The following ANKRD44 variants were observed in gnomAD, a reference collection of about 807,000 sequenced individuals.
ANKRD44 encodes the protein ankyrin repeat domain 44.
ANKRD44 carries 35 observed loss-of-function variants against 116.0 expected under a neutral mutation model. The ratio of observed to expected loss-of-function variants is 0.30; its 90% CI spans 0.23 to 0.40. ANKRD44 has a LOEUF of 0.40. Ranked by LOEUF, ANKRD44 falls within the 10% of genes least tolerant of loss-of-function variation. The pLI is 1.00. For missense variants in ANKRD44, 1,014 were observed against 1,242.6 expected, an observed-to-expected ratio of 0.82 and a Z score of 2.77; for synonymous variants, 435 against 461.8, an observed-to-expected ratio of 0.94 and a Z score of 0.74.
At chr2:196,990,430 T>G (rs750181299) in intron 27 of ANKRD44, 3 of 1,158,642 alleles carry the variant, frequency 2.6e-6, no homozygotes, top group Non-Finnish European at 3.2e-6. Context: ...ATTCTTTATT[T>G]AAAATGAGAG....
chr2:197,121,808 G>A (rs1457237803), intron 7 of ANKRD44, among the ~76,000 whole-genome samples: 1 of 152,122 alleles, frequency 6.6e-6, no homozygotes, highest in African/African-American at 2.4e-5. Context: ...AGCTAACAAA[G>A]GAATAAAAGG....
chr2:197,043,761 C>T (rs1240116544), intron 16 of ANKRD44, among the ~76,000 whole-genome samples: 2 of 151,852 alleles, frequency 1.3e-5, no homozygotes, highest in Non-Finnish European at 2.9e-5. Flanking sequence ...AAACTGGACC[C>T]TGGTTTTTTT....
intron 8 of ANKRD44, among the ~76,000 whole-genome samples, chr2:197,118,246 T>A (rs1248289237): frequency 6.6e-6 from 1 of 151,164 alleles, no homozygotes; most frequent in Non-Finnish European, 1.5e-5. Context: ...AATAATTTTT[T>A]AAAATTCTCA....
chr2:197,107,845 C>A (rs1227187277), intron 9 of ANKRD44, among the ~76,000 whole-genome samples: 2 of 152,196 alleles, frequency 1.3e-5, no homozygotes, highest in African/African-American at 4.8e-5. Context: ...GCCCAAGATT[C>A]TTCCCAGAAG....
At chr2:197,036,256 G>C (rs967003846) in intron 16 of ANKRD44, among the ~76,000 whole-genome samples, 1 of 151,990 alleles carries the variant, frequency 6.6e-6, no homozygotes, top group Non-Finnish European at 1.5e-5. Flanking sequence ...CAAGGTCTAT[G>C]CAACTTTATT....
chr2:197,001,701 T>C, intron 22 of ANKRD44, 52 bp downstream of exon 22: 2 of 1,370,856 alleles, frequency 1.5e-6, no homozygotes, highest in African/African-American at 1.4e-5. Flanking sequence ...CTTTTCTATG[T>C]GTAGTTAAAA....
At chr2:196,993,947 A>G (rs1246207963) in intron 26 of ANKRD44, among the ~76,000 whole-genome samples, 1 of 152,236 alleles carries the variant, frequency 6.6e-6, no homozygotes, top group Non-Finnish European at 1.5e-5. Flanking sequence ...AGACAGAGGA[A>G]GAACTCAAGC....
intron 17 of ANKRD44, among the ~76,000 whole-genome samples, chr2:197,022,178 T>G (rs1011314503): frequency 6.6e-6 from 1 of 152,200 alleles, no homozygotes; most frequent in Non-Finnish European, 1.5e-5. Context: ...TAATTGCTAC[T>G]GAGGCCCCTA....
intron 2 of ANKRD44, among the ~76,000 whole-genome samples, chr2:197,185,654 A>G (rs1239138255): frequency 6.6e-6 from 1 of 152,196 alleles, no homozygotes; most frequent in Non-Finnish European, 1.5e-5. Flanking sequence ...TCTTTATTGA[A>G]GGTTTGTTTT....
intron 3 of ANKRD44, among the ~76,000 whole-genome samples, chr2:197,138,543 G>A (rs1205237554): frequency 6.6e-6 from 1 of 152,172 alleles, no homozygotes; most frequent in East Asian, 1.9e-4. Flanking sequence ...GTCAGGTGAT[G>A]GTCACAAAGT....
intron 2 of ANKRD44, among the ~76,000 whole-genome samples, chr2:197,165,638 T>C: frequency 6.6e-6 from 1 of 152,192 alleles, no homozygotes; most frequent in East Asian, 1.9e-4. Flanking sequence ...GATAAGTTAG[T>C]CAACTGCTGG....
At chr2:197,095,722 G>A (rs931716688) in intron 10 of ANKRD44, among the ~76,000 whole-genome samples, 5 of 152,072 alleles carry the variant, frequency 3.3e-5, no homozygotes, top group African/African-American at 1.2e-4. Flanking sequence ...GAACCTCTCC[G>A]TGCCTCACTT....
chr2:197,249,292 A>G (rs2082266779), intron 1 of ANKRD44, among the ~76,000 whole-genome samples: 1 of 152,156 alleles, frequency 6.6e-6, no homozygotes, highest in South Asian at 2.1e-4. Flanking sequence ...ACAGAAATAA[A>G]AAAAGAAATT....
At chr2:197,259,188 A>G (rs1380991305) in intron 1 of ANKRD44, among the ~76,000 whole-genome samples, 4 of 152,158 alleles carry the variant, frequency 2.6e-5, no homozygotes, top group Non-Finnish European at 4.4e-5. Context: ...GTAAACATGA[A>G]AAGCAGGATG....
chr2:197,046,572 G>A (rs971896042), intron 16 of ANKRD44, among the ~76,000 whole-genome samples: 8 of 151,078 alleles, frequency 5.3e-5, no homozygotes, highest in African/African-American at 1.9e-4. Flanking sequence ...ATTAAAAAGA[G>A]CTCCATAAGC....
chr2:197,006,363 T>G (rs930561013), intron 20 of ANKRD44, among the ~76,000 whole-genome samples: 2 of 152,074 alleles, frequency 1.3e-5, no homozygotes, highest in East Asian at 3.9e-4. Context: ...GAGAATGGCG[T>G]GAACCTGGGA....
intron 1 of ANKRD44, among the ~76,000 whole-genome samples, chr2:197,202,858 G>A (rs1220478020): frequency 1.3e-5 from 2 of 151,712 alleles, no homozygotes; most frequent in Non-Finnish European, 2.9e-5. Flanking sequence ...GATTACAGGT[G>A]TGAGCCACCA....
At chr2:197,164,091 G>A (rs2080037928) in intron 2 of ANKRD44, among the ~76,000 whole-genome samples, 1 of 152,134 alleles carries the variant, frequency 6.6e-6, no homozygotes, top group African/African-American at 2.4e-5. Context: ...TTCCTAAGAG[G>A]CTGCGGTGTG....
At chr2:197,207,070 T>C (rs1183709224) in intron 1 of ANKRD44, among the ~76,000 whole-genome samples, 1 of 152,192 alleles carries the variant, frequency 6.6e-6, no homozygotes, top group Non-Finnish European at 1.5e-5. Context: ...CTCAAAAACT[T>C]ACTAAATGTG....
Sources: allele counts gnomAD v4.1 joint callset (sites outside exome capture counted in the v4.1 genomes callset), GRCh38; gene constraint gnomAD v4.1.1; transcripts MANE v1.5; gene names NCBI Gene and HGNC (gene_info 2026-07-23, HGNC 2026-07-21).